Variants in PTPRA observed in about 807,000 individuals in gnomAD.
The protein encoded by PTPRA is protein tyrosine phosphatase receptor type A.
Under a neutral mutation model 104.8 loss-of-function variants are expected in PTPRA, and 25 were observed. The observed-to-expected ratio is 0.24, with a 90% confidence interval of 0.17 to 0.33. The LOEUF (loss-of-function observed/expected upper bound fraction) is 0.33, where lower values mean the gene tolerates loss of function less well. PTPRA is among the 10% of genes least tolerant of loss of function. The probability of loss-of-function intolerance (pLI) is 1.00; values close to 1 mark genes in which losing one functional copy is unlikely to be tolerated. For missense variants in PTPRA, 765 were observed against 1,015.3 expected (o/e 0.75, Z 3.35); for synonymous variants, 323 against 368.9 (o/e 0.88, Z 1.43).
At chr20:2,890,061 G>T (rs907778914) in intron 1 of PTPRA, among the ~76,000 whole-genome samples, 8 of 102,970 alleles carry the variant, frequency 7.8e-5, no homozygotes, top group Non-Finnish European at 1.2e-4. Flanking sequence ...CTAATTTTTT[G>T]ATTTTTTTTT....
intron 19 of PTPRA, 56 bp from the exon 20 acceptor site, chr20:3,027,651 A>G (rs1348209388): frequency 6.3e-7 from 1 of 1,588,936 alleles, no homozygotes; most frequent in African/African-American, 1.3e-5. Flanking sequence ...TGTCTTCTCC[A>G]CTAGTCCCTC....
rs556247880 is a variant in PTPRA at position 3,014,474 on chromosome 20, A to G, written c.907-1375A>G. 2.0e-5 allele frequency among the ~76,000 whole-genome samples: 3 copies of G among 152,144 alleles called. No individual in the cohort carries two copies. In the South Asian group the frequency reaches 6.2e-4, roughly 32 times the overall value. On this transcript the variant is annotated intron_variant, in intron 11 of 23. Transcript: ENST00000399903. ...CCAACATGGTGAAACCCCATCTCTAATTTTTGTAAAAATACAAAAATTAGC... is the reference window on the plus strand; with the variant it reads ...CCAACATGGTGAAACCCCATCTCTAGTTTTTGTAAAAATACAAAAATTAGC...
At chr20:3,024,108 T>C (rs1267616000) in intron 16 of PTPRA, among the ~76,000 whole-genome samples, 1 of 152,172 alleles carries the variant, frequency 6.6e-6, no homozygotes, top group African/African-American at 2.4e-5. Flanking sequence ...AGTTGGGGCA[T>C]AGCACCAGGA....
chr20:2,948,255 C>T (rs1389085007), intron 3 of PTPRA, among the ~76,000 whole-genome samples: 1 of 152,156 alleles, frequency 6.6e-6, no homozygotes, highest in Non-Finnish European at 1.5e-5. Context: ...ACAATAGGCT[C>T]CAAAAAATTC....
intron 3 of PTPRA, among the ~76,000 whole-genome samples, chr20:2,951,188 C>T (rs779516471): frequency 6.6e-6 from 1 of 152,152 alleles, no homozygotes; most frequent in African/African-American, 2.4e-5. Context: ...CCAGCTCCGA[C>T]TCCGGGGTTC....
At chr20:2,896,859 G>A (rs568551513) in intron 1 of PTPRA, among the ~76,000 whole-genome samples, 6 of 152,214 alleles carry the variant, frequency 3.9e-5, no homozygotes, top group Admixed American at 6.5e-5. Flanking sequence ...TATGCCTTGC[G>A]TTTAGTTGTC....
intron 2 of PTPRA, among the ~76,000 whole-genome samples, chr20:2,942,091 C>T (rs539520713): frequency 7.2e-5 from 11 of 152,218 alleles, no homozygotes; most frequent in East Asian, 3.9e-4. Context: ...ACTGAGTAAG[C>T]GGGTTATTTC....
At chr20:2,871,787 G>A (rs1437865672), upstream of PTPRA, among the ~76,000 whole-genome samples, 1 of 152,224 alleles carries the variant, frequency 6.6e-6, no homozygotes, top group Admixed American at 6.5e-5. Context: ...CACCCTCACT[G>A]GGGTCTGAGC....
chr20:3,004,942 T>A, intron 9 of PTPRA, 114 bp from the exon 10 acceptor site: 1 of 943,330 alleles, frequency 1.1e-6, no homozygotes, highest in Non-Finnish European at 1.6e-6. Context: ...GGGCCCATGT[T>A]TTTCCCCCCA....
At chr20:2,964,774 GTTTA>G in intron 4 of PTPRA, 83 bp from the exon 5 acceptor site, 1 of 1,212,814 alleles carries the variant, frequency 8.2e-7, no homozygotes, top group Non-Finnish European at 1.2e-6. Context: ...ATGTTTGAGA[GTTTA>G]TTAAGGCTTG....
At chr20:2,982,578 A>G (rs1054873105) in intron 6 of PTPRA, among the ~76,000 whole-genome samples, 4 of 152,216 alleles carry the variant, frequency 2.6e-5, no homozygotes, top group African/African-American at 4.8e-5. Context: ...AATTTATGCT[A>G]TAAAGGAGGG....
intron 2 of PTPRA, among the ~76,000 whole-genome samples, chr20:2,937,927 T>C (rs1293995438): frequency 1.3e-5 from 2 of 152,242 alleles, no homozygotes; most frequent in Non-Finnish European, 1.5e-5. Context: ...ATCTGTTGTC[T>C]TTCAAATTGT....
chr20:2,928,824 T>C (rs903583495), intron 2 of PTPRA, among the ~76,000 whole-genome samples: 1 of 150,916 alleles, frequency 6.6e-6, no homozygotes, highest in South Asian at 2.1e-4. Context: ...TAATCTTTTT[T>C]TCTCTCTTTT....
chr20:2,960,808 A>T (rs2061728654), intron 3 of PTPRA, among the ~76,000 whole-genome samples: 1 of 150,296 alleles, frequency 6.7e-6, no homozygotes, highest in Non-Finnish European at 1.5e-5. Context: ...AGGTGTTGGG[A>T]TTACAGGCAT....
upstream of PTPRA, among the ~76,000 whole-genome samples, chr20:2,872,435 C>G (rs979293053): frequency 2.2e-4 from 34 of 152,364 alleles, no homozygotes; most frequent in Non-Finnish European, 2.8e-4. This position sits in a 1 kb window ranked among gnomAD's most constrained non-coding sequence, Gnocchi z 7.9. Context: ...TGGGATAAAG[C>G]GTCCCCTACC....
In PTPRA at chr20:2,971,497, A is replaced by G. The variant is rs557802287; in HGVS notation, c.416-3718A>G. ...TCATTAATTTTTATGGCTTCAAGTC[A>G]TCTCATCTGCATATATCTTCCAAAT... is the stretch of plus-strand genomic sequence containing the variant. On this transcript the variant is annotated intron_variant, in intron 5 of 23. Coordinates refer to ENST00000399903, the MANE Select transcript of PTPRA (RefSeq NM_001385305.1). Among the ~76,000 whole-genome samples the G allele has an allele frequency of 5.3e-5, 8 of 152,318 alleles. No individual in the cohort carries two copies. In the South Asian group the frequency reaches 1.2e-3, roughly 24 times the overall value.
the PTPRA span, chr20:2,865,506 G>T: frequency 2.5e-6 from 4 of 1,611,756 alleles, no homozygotes; most frequent in East Asian, 8.9e-5. This position sits in a 1 kb window ranked among gnomAD's most constrained non-coding sequence, Gnocchi z 5.2. Flanking sequence ...GTGAGGCAGG[G>T]TCCTCCCTCC....
At chr20:2,943,078 C>T (rs555476632) in intron 2 of PTPRA, among the ~76,000 whole-genome samples, 310 of 151,628 alleles carry the variant, frequency 2.0e-3, no homozygotes, top group Non-Finnish European at 3.7e-3. Flanking sequence ...AAGTTATAGA[C>T]CCTGTTCTTT....
intron 20 of PTPRA, among the ~76,000 whole-genome samples, chr20:3,032,530 G>T (rs1162990035): frequency 2.0e-5 from 3 of 152,214 alleles, no homozygotes; most frequent in Admixed American, 6.5e-5. Flanking sequence ...CACTTTGGGA[G>T]GCCAAGGTGG....
Sources: gnomAD v4.1 joint callset for allele counts (sites outside exome capture counted in the v4.1 genomes callset) on GRCh38, gnomAD v4.1.1 for gene constraint, Gnocchi (gnomAD v3.1) non-coding constraint, MANE v1.5 for transcripts, NCBI Gene and HGNC (gene_info 2026-07-23, HGNC 2026-07-21) for gene names.